Variants in CUX2 observed in about 807,000 individuals in gnomAD.
CUX2 encodes cut like homeobox 2, also known as homeobox protein cut-like 2.
In CUX2, 40 loss-of-function variants were observed where a neutral mutation model predicts 144.8. The ratio of observed to expected loss-of-function variants is 0.28; its 90% confidence interval spans 0.21 to 0.36. The LOEUF (loss-of-function observed/expected upper bound fraction) is 0.36. Ranked by LOEUF, CUX2 falls within the 10% of genes least tolerant of loss-of-function variation. CUX2 has a pLI of 1.00. For synonymous variants in CUX2, 827 were observed against 875.6 expected, an observed-to-expected ratio of 0.94 and a Z score of 0.98; for missense variants, 1,615 against 1,994.0, an observed-to-expected ratio of 0.81 and a Z score of 3.62.
At position 111,287,709 on chromosome 12, in the gene CUX2, C is replaced by T. The variant is rs552329911; in HGVS notation, c.302-3709C>T. The stretch of plus-strand genomic sequence containing the variant: ...GGGGCTGCCGGCAGATGAAAGCCAC[C>T]GCCGCCTTCCCGCGCACCTGCTTAC... On this transcript the variant is annotated intron_variant, in intron 4 of 21. Coordinates refer to ENST00000261726, the MANE Select transcript of CUX2 (RefSeq NM_015267.4). This position sits in a 1 kb window ranked among gnomAD's most constrained non-coding sequence, Gnocchi z 4.2. Among the ~76,000 whole-genome samples the T allele has an allele frequency of 3.3e-5, 5 of 152,350 alleles. No individual in the cohort carries two copies. The highest frequency in any genetic ancestry group is 7.2e-5 in the African/African-American group (3 of 41,580).
intron 2 of CUX2, among the ~76,000 whole-genome samples, chr12:111,217,295 C>T (rs1158614166): frequency 6.6e-6 from 1 of 152,198 alleles, no homozygotes; most frequent in Non-Finnish European, 1.5e-5. Flanking sequence ...GCCTAGACTG[C>T]AGAAACTGCA....
chr12:111,126,734 A>G (rs1306948843), intron 1 of CUX2, among the ~76,000 whole-genome samples: 2 of 152,202 alleles, frequency 1.3e-5, no homozygotes, highest in South Asian at 2.1e-4. Context: ...TTGGCCAAAT[A>G]TCTGGCTACC....
chr12:111,318,634 A>G (rs7970490), intron 16 of CUX2, among the ~76,000 whole-genome samples: 74,674 of 151,432 alleles, frequency 0.49, 23,734 homozygotes, highest in East Asian at 0.89. Flanking sequence ...GATTTTGCAT[A>G]AGGACTTCCT....
chr12:111,214,178 T>TA (rs1881397555), intron 1 of CUX2, 22 bp from the exon 2 acceptor site: 1 of 1,389,514 alleles, frequency 7.2e-7, no homozygotes. Flanking sequence ...TCTCTCTTTT[T>TA]TTTTTTTTTT....
intron 3 of CUX2, among the ~76,000 whole-genome samples, chr12:111,234,479 G>C (rs892065757): frequency 6.6e-6 from 1 of 152,186 alleles, no homozygotes; most frequent in Admixed American, 6.5e-5. Flanking sequence ...AAAAAAGCCA[G>C]TGTGCAGTAG....
intron 18 of CUX2, among the ~76,000 whole-genome samples, chr12:111,333,656 G>A (rs1166408248): frequency 6.6e-6 from 1 of 152,148 alleles, no homozygotes; most frequent in Admixed American, 6.6e-5. Flanking sequence ...CATCCTCTCA[G>A]GAGGCCCATG....
chr12:111,274,761 G>A (rs1884782130), intron 4 of CUX2, among the ~76,000 whole-genome samples: 1 of 152,202 alleles, frequency 6.6e-6, no homozygotes, highest in African/African-American at 2.4e-5. Context: ...CCAGATGGGA[G>A]AAGGCTTCTG....
intron 1 of CUX2, among the ~76,000 whole-genome samples, chr12:111,124,993 G>A (rs1874961148): frequency 6.6e-6 from 1 of 152,148 alleles, no homozygotes; most frequent in African/African-American, 2.4e-5. Context: ...GCCAGTCTCA[G>A]AGAATGAGGG....
intron 3 of CUX2, among the ~76,000 whole-genome samples, chr12:111,243,179 A>G (rs1883115997): frequency 6.6e-6 from 1 of 152,202 alleles, no homozygotes; most frequent in Non-Finnish European, 1.5e-5. Context: ...AAGAGAATAA[A>G]ATAATTGGTC....
intron 3 of CUX2, among the ~76,000 whole-genome samples, chr12:111,245,891 G>A (rs1883257678): frequency 6.6e-6 from 1 of 152,150 alleles, no homozygotes; most frequent in African/African-American, 2.4e-5. Flanking sequence ...CCTGGCAGGT[G>A]CACAAAATGG....
chr12:111,343,358 C>T (rs1277787540), intron 21 of CUX2, among the ~76,000 whole-genome samples: 1 of 152,110 alleles, frequency 6.6e-6, no homozygotes, highest in Non-Finnish European at 1.5e-5. Flanking sequence ...AGGGCTGGCT[C>T]TGAGGAGACC....
At position 111,307,132 on chromosome 12, in the gene CUX2, C is replaced by G; in HGVS notation, c.1050+20C>G. ...ATAGAAGTGGGTCCTGGGGAGGAGG[C>G]AGGCGGGCAGGCGGCCCCATGCAGA... is the stretch of plus-strand genomic sequence containing the variant. On this transcript the variant is annotated intron_variant, in intron 11 of 21. Coordinates refer to ENST00000261726, the MANE Select transcript of CUX2 (RefSeq NM_015267.4). This position sits in a 1 kb window ranked among gnomAD's most constrained non-coding sequence, Gnocchi z 4.1. The G allele has an allele frequency of 3.1e-6, 5 of 1,613,184 alleles. No homozygotes were observed. The highest frequency in any genetic ancestry group is 2.2e-5 in the East Asian group (1 of 44,860).
Position 111,190,150 on chromosome 12 carries a change from CTG to C in CUX2, c.64-24049_64-24048del, listed in dbSNP as rs1592820282. 6.6e-6 allele frequency among the ~76,000 whole-genome samples: 1 copy of C among 152,124 alleles called. No individual in the cohort carries two copies. Among genetic ancestry groups the C allele is most frequent in the African/African-American group, 2.4e-5 (1 of 41,414 alleles). On this transcript the variant is annotated intron_variant, in intron 1 of 21. Transcript: ENST00000261726. This position sits in a 1 kb window ranked among gnomAD's most constrained non-coding sequence, Gnocchi z 4.0. The stretch of plus-strand genomic sequence containing the variant: ...TTATGTGAGGCACTGATTTCAGTCT[CTG>C]GCCCATTTTTCTATTTGATCATCTC...
chr12:111,129,478 T>C (rs1453534807), intron 1 of CUX2, among the ~76,000 whole-genome samples: 1 of 152,236 alleles, frequency 6.6e-6, no homozygotes, highest in African/African-American at 2.4e-5. Context: ...GCATACCAGG[T>C]CCCAGGAGAT....
intron 19 of CUX2, among the ~76,000 whole-genome samples, chr12:111,337,018 T>C (rs1888382925): frequency 6.6e-6 from 1 of 151,064 alleles, no homozygotes; most frequent in African/African-American, 2.4e-5. Flanking sequence ...CTACAAAAAA[T>C]AGAAAAATTA....
rs749026747 is a variant in CUX2, at chr12:111,293,519, A to G, written c.510A>G (p.Lys170=). 10 of 1,602,560 alleles carry G rather than the reference A, an allele frequency of 6.2e-6. No individual in the cohort carries two copies. In the South Asian group the frequency reaches 1.1e-4, roughly 18 times the overall value. The part of the protein sequence containing the change: ...EGSRLPGIPG[K]ALLTETLLQR... Reference sequence around the variant, plus strand: ...GCCGCCTCCCAGGCATTCCCGGGAAAGCCCTCCTGACAGAAACCTTGCTGC... The same window carrying G: ...GCCGCCTCCCAGGCATTCCCGGGAAGGCCCTCCTGACAGAAACCTTGCTGC... Residue 170 remains lysine (K), a synonymous_variant, in exon 6 of 22, where the codon AAA becomes AAG. Coordinates refer to ENST00000261726, the MANE Select transcript of CUX2 (RefSeq NM_015267.4). The surrounding 1 kb of genome is among the most constrained non-coding windows in gnomAD (Gnocchi z 4.5).
chr12:111,277,060 G>A lies in CUX2; in HGVS notation c.301+13221G>A, dbSNP rs1321884144. Among the ~76,000 whole-genome samples the A allele has an allele frequency of 6.6e-6, 1 of 152,190 alleles. No homozygotes were observed. The highest frequency in any genetic ancestry group is 1.5e-5 in the Non-Finnish European group (1 of 68,028). On this transcript the variant is annotated intron_variant, in intron 4 of 21. Coordinates refer to ENST00000261726, the MANE Select transcript of CUX2 (RefSeq NM_015267.4). This position sits in a 1 kb window ranked among gnomAD's most constrained non-coding sequence, Gnocchi z 5.0. ...AGCTCTTGGCTCAGGATATCAGGTGGGGGTCTCATCTGCCCCCTGCCCTAC... is the reference window on the plus strand; with the variant it reads ...AGCTCTTGGCTCAGGATATCAGGTGAGGGTCTCATCTGCCCCCTGCCCTAC...
At chr12:111,170,844 C>T (rs576194955) in intron 1 of CUX2, among the ~76,000 whole-genome samples, 1 of 152,100 alleles carries the variant, frequency 6.6e-6, no homozygotes, top group African/African-American at 2.4e-5. Context: ...TCCCTGACCT[C>T]GGGCCCAGCG....
At chr12:111,204,252 A>G (rs1880780617) in intron 1 of CUX2, among the ~76,000 whole-genome samples, 1 of 152,210 alleles carries the variant, frequency 6.6e-6, no homozygotes, top group Non-Finnish European at 1.5e-5. Flanking sequence ...TCAAACTAAA[A>G]AACCAACCAC....
Sources: allele counts gnomAD v4.1 joint callset (sites outside exome capture counted in the v4.1 genomes callset), GRCh38; gene constraint gnomAD v4.1.1; non-coding constraint Gnocchi (gnomAD v3.1); transcripts MANE v1.5; gene names NCBI Gene and HGNC (gene_info 2026-07-23, HGNC 2026-07-21).